The following RAD54L variants were observed in gnomAD, a reference collection of about 807,000 sequenced individuals.
RAD54L encodes the protein DNA repair and recombination protein RAD54-like.
RAD54L carries 74 observed loss-of-function variants against 91.6 expected under a neutral mutation model. The observed-to-expected ratio is 0.81, with a 90% CI of 0.67 to 0.98. The LOEUF (loss-of-function observed/expected upper bound fraction) is 0.98, where lower values mean the gene tolerates loss of function less well. Among genes scored for constraint, RAD54L ranks in the 50% least tolerant of loss-of-function variants. RAD54L has a pLI of 0.00. For missense variants in RAD54L, 887 were observed against 945.7 expected (o/e 0.94, Z 0.81); for synonymous variants, 304 against 349.7 (o/e 0.87, Z 1.46).
intron 13 of RAD54L, 77 bp downstream of exon 13, chr1:46,273,542 G>A: frequency 1.2e-6 from 2 of 1,611,818 alleles, no homozygotes; most frequent in Non-Finnish European, 1.7e-6. Flanking sequence ...GGGCTGTCCT[G>A]TTTCAAGGCA....
chr1:46,277,471 T>C (rs572483761), intron 16 of RAD54L: 42 of 383,580 alleles, frequency 1.1e-4, no homozygotes, highest in Admixed American at 2.4e-4. Context: ...ATAGAATAGA[T>C]ACCTAAATGA....
rs914177786 is a variant in RAD54L at position 46,263,459 on chromosome 1, C to A, written c.891+2074C>A. ...TGTCAACCAGTTGTCAGGCTAGGCT[C>A]AGCTCTGGGTACTGTAGATTAGCCC... is the stretch of plus-strand genomic sequence containing the variant. On this transcript the variant is annotated intron_variant, in intron 8 of 17. Transcript: ENST00000371975. The surrounding 1 kb of genome is among the most constrained non-coding windows in gnomAD (Gnocchi z 4.3). 6.6e-6 allele frequency among the ~76,000 whole-genome samples: 1 copy of A among 152,140 alleles called. No individual in the cohort carries two copies. The highest frequency in any genetic ancestry group is 2.4e-5 in the African/African-American group (1 of 41,428).
chr1:46,259,810 T>G (rs1660046439), intron 4 of RAD54L, among the ~76,000 whole-genome samples, 154 bp from the exon 5 acceptor site: 1 of 151,340 alleles, frequency 6.6e-6, no homozygotes, highest in South Asian at 2.1e-4. Flanking sequence ...ATAATGGTCA[T>G]ATAGAGATGC....
chr1:46,258,875 TGGGGTGACCCTCCTGA>T (rs1166679507), intron 4 of RAD54L, 129 bp downstream of exon 4: 2 of 776,668 alleles, frequency 2.6e-6, no homozygotes, highest in African/African-American at 3.5e-5. Flanking sequence ...TGGCTGTGTT[TGGGGTGACCCTCCTGA>T]GGCCTGCATG....
At chr1:46,251,267 A>T (rs1443050939) in intron 3 of RAD54L, among the ~76,000 whole-genome samples, 2 of 152,160 alleles carry the variant, frequency 1.3e-5, no homozygotes, top group African/African-American at 4.8e-5. Context: ...AGCCGAGATC[A>T]TGCCATTGCA....
Position 46,272,491 on chromosome 1 carries a change from A to G in RAD54L, c.1195A>G (p.Ile399Val). 3 of 1,612,354 alleles carry G rather than the reference A, an allele frequency of 1.9e-6. No individual in the cohort carries two copies. The Admixed American group carries it at 5.0e-5, about 27-fold the overall frequency. Residue 399 changes from isoleucine (I) to valine (V), a missense_variant, in exon 11 of 18, where the codon ATC (isoleucine) becomes GTC (valine). Coordinates refer to ENST00000371975, the MANE Select transcript of RAD54L (RefSeq NM_003579.4). ...ATGCCTGATACGGAGGACTTCTGAT[A>G]TCCTTTCTAAATATCTGCCTGTGAA... ...NRCLIRRTSD[I>V]LSKYLPVKIE...
intron 3 of RAD54L, among the ~76,000 whole-genome samples, chr1:46,254,802 G>A (rs1659896909): frequency 6.6e-6 from 1 of 152,120 alleles, no homozygotes; most frequent in South Asian, 2.1e-4. Context: ...GCCCAGGCAG[G>A]TTTCAAACTC....
At position 46,260,972 on chromosome 1, in the gene RAD54L, G is replaced by A. The variant is rs372917372; in HGVS notation, c.723G>A (p.Leu241=). The part of the protein sequence containing the change: ...GKWLGGRIQP[L]AIDGGSKDEI... ...GGCTCGGAGGGAGGATCCAACCTCT[G>A]GCCATCGATGGAGGATCTAAGGATG... The change falls in exon 7 of 18, where the codon CTG becomes CTA. Residue 241 remains leucine, a synonymous_variant. Coordinates refer to ENST00000371975, the MANE Select transcript of RAD54L (RefSeq NM_003579.4). The A allele has an allele frequency of 5.6e-6, 9 of 1,613,984 alleles. No individual in the cohort carries two copies. Among genetic ancestry groups the A allele is most frequent in the South Asian group, 2.2e-5 (2 of 91,080 alleles).
At chr1:46,275,580 A>C (rs1363756867) in intron 16 of RAD54L, among the ~76,000 whole-genome samples, 2 of 152,128 alleles carry the variant, frequency 1.3e-5, no homozygotes, top group East Asian at 1.9e-4. Flanking sequence ...CACCAGCTAC[A>C]TTGCATTTAC....
chr1:46,254,765 T>C (rs895675060), intron 3 of RAD54L, among the ~76,000 whole-genome samples: 9 of 152,050 alleles, frequency 5.9e-5, no homozygotes, highest in African/African-American at 2.2e-4. Flanking sequence ...TTTTAAATGA[T>C]ATGTAGAGAC....
intron 9 of RAD54L, 188 bp downstream of exon 9, chr1:46,267,797 C>A (rs1362131001): frequency 2.6e-6 from 2 of 764,440 alleles, no homozygotes; most frequent in Non-Finnish European, 4.3e-6. Flanking sequence ...CTGAGCAACT[C>A]AGCAAAGCCC....
At chr1:46,273,123 GCT>G (rs939553532) in intron 12 of RAD54L, among the ~76,000 whole-genome samples, 42 of 152,312 alleles carry the variant, frequency 2.8e-4, no homozygotes, top group African/African-American at 9.1e-4. Flanking sequence ...AACCTTGCCT[GCT>G]CTGTTATAGC....
intron 3 of RAD54L, among the ~76,000 whole-genome samples, chr1:46,251,364 A>C (rs1178761283): frequency 6.6e-6 from 1 of 152,176 alleles, no homozygotes; most frequent in Non-Finnish European, 1.5e-5. Context: ...ATAAATATAG[A>C]TATATTACAT....
chr1:46,263,985 T>C lies in RAD54L; in HGVS notation c.891+2600T>C, dbSNP rs112794177. On this transcript the variant is annotated intron_variant, in intron 8 of 17. Transcript: ENST00000371975. This position sits in a 1 kb window ranked among gnomAD's most constrained non-coding sequence, Gnocchi z 4.3. ...CTAATTTTTGTATTTTTAGTAGAGATGGGGTTTCACCATGTTGGCCAGGCT... is the reference window on the plus strand; with the variant it reads ...CTAATTTTTGTATTTTTAGTAGAGACGGGGTTTCACCATGTTGGCCAGGCT... Among the ~76,000 whole-genome samples, 1,245 of 152,182 alleles carry C rather than the reference T, an allele frequency of 8.2e-3. 19 individuals carry two copies. Among genetic ancestry groups the C allele is most frequent in the Middle Eastern group, 0.037 (11 of 294 alleles).
Position 46,277,974 on chromosome 1 carries a change from A to G in RAD54L, c.2027A>G (p.His676Arg), listed in dbSNP as rs1208512094. The change falls in exon 17 of 18, where the codon CAT becomes CGT. Residue 676 changes from histidine (H) to arginine (R), a missense_variant. Physicochemically the swap from His to Arg is conservative, Grantham distance 29. Coordinates refer to ENST00000371975, the MANE Select transcript of RAD54L (RefSeq NM_003579.4). ...GATGAAGCTAGCCTCAGTGACACAC[A>G]TGACAGGTGGGGAAGTGCCCTAACC... ...ILDEASLSDT[H>R]DRLHCRRCVN... 1 of 1,613,972 alleles carries G rather than the reference A, an allele frequency of 6.2e-7. No individual in the cohort carries two copies. Among genetic ancestry groups the G allele is most frequent in the East Asian group, 2.2e-5 (1 of 44,902 alleles).
intron 8 of RAD54L, among the ~76,000 whole-genome samples, chr1:46,264,699 G>T (rs374012348): frequency 6.6e-6 from 1 of 152,262 alleles, no homozygotes; most frequent in East Asian, 1.9e-4. Flanking sequence ...AGGGAAGTGC[G>T]TAGTGACTTG....
chr1:46,274,079 A>AT lies in RAD54L; in HGVS notation c.1611-51dup, dbSNP rs199913358. On this transcript the variant is annotated intron_variant, in intron 14 of 17. Coordinates refer to ENST00000371975, the MANE Select transcript of RAD54L (RefSeq NM_003579.4). ...CTTTTTAAAAAAATTTTTATTTTTA[A>AT]TTTTTTTTCCCCCTAATCATTGAAG... 1.5e-3 allele frequency: 2,313 copies of AT among 1,512,286 alleles called. 32 individuals carry two copies. The African/African-American group carries it at 0.023, about 15-fold the overall frequency. 93.7% of individuals were successfully genotyped at this position (1,512,286 alleles called of 1,614,324 possible). A position where few individuals can be genotyped will look rare whatever the true frequency, so the allele number is the denominator to read the frequency against.
At chr1:46,249,417 G>A (rs953854886) in intron 2 of RAD54L, among the ~76,000 whole-genome samples, 1 of 152,190 alleles carries the variant, frequency 6.6e-6, no homozygotes, top group Non-Finnish European at 1.5e-5. Flanking sequence ...GGTGTGCAAG[G>A]GGCTTCTCTA....
chr1:46,278,329 A>G lies in RAD54L; in HGVS notation c.*47A>G. ...GCTCTTAGAGGAAGGAGATAGGGAAAAGGGGCTCCTTGCTCCACAGGGCCC... is the reference window on the plus strand; with the variant it reads ...GCTCTTAGAGGAAGGAGATAGGGAAGAGGGGCTCCTTGCTCCACAGGGCCC... On this transcript the variant is annotated 3_prime_UTR_variant, in exon 18 of 18. Coordinates refer to ENST00000371975, the MANE Select transcript of RAD54L (RefSeq NM_003579.4). 6.5e-7 allele frequency: 1 copy of G among 1,546,006 alleles called. No homozygotes were observed. Among genetic ancestry groups the G allele is most frequent in the Non-Finnish European group, 8.8e-7 (1 of 1,136,064 alleles).
Sources: gnomAD v4.1 joint callset for allele counts (sites outside exome capture counted in the v4.1 genomes callset) on GRCh38, gnomAD v4.1.1 for gene constraint, Gnocchi (gnomAD v3.1) non-coding constraint, MANE v1.5 for transcripts, NCBI Gene and HGNC (gene_info 2026-07-23, HGNC 2026-07-21) for gene names.